TET3: variants seen among roughly 807,000 people sequenced by gnomAD.
TET3 encodes tet methylcytosine dioxygenase 3.
Under a neutral mutation model 141.4 loss-of-function variants are expected in TET3, and 19 were observed. The observed-to-expected ratio is 0.13, with a 90% CI of 0.09 to 0.20. The LOEUF (loss-of-function observed/expected upper bound fraction) is 0.20, where lower values mean the gene tolerates loss of function less well. Ranked by LOEUF, TET3 falls within the 10% of genes least tolerant of loss-of-function variation. The pLI is 1.00. For missense variants in TET3, 1,874 were observed against 2,356.9 expected (o/e 0.80, Z 4.24); for synonymous variants, 1,043 against 980.9 (o/e 1.06, Z -1.18).
At chr2:74,056,200 TC>T (rs752376565) in intron 4 of TET3, among the ~76,000 whole-genome samples, 3 of 152,202 alleles carry the variant, frequency 2.0e-5, no homozygotes, top group Non-Finnish European at 4.4e-5. Context: ...GGCCATTGGT[TC>T]CCCACTGGAA....
intron 4 of TET3, among the ~76,000 whole-genome samples, chr2:74,061,186 G>C (rs1163999198): frequency 2.1e-5 from 3 of 145,656 alleles, no homozygotes; most frequent in Non-Finnish European, 4.6e-5. Context: ...GGCCGGCCGG[G>C]CGGGGGGCTG....
chr2:74,120,454 G>A, the TET3 span, among the ~76,000 whole-genome samples: 4 of 152,250 alleles, frequency 2.6e-5, no homozygotes, highest in Non-Finnish European at 5.9e-5. Context: ...TACCCGGGGG[G>A]AACGTGTGCC....
chr2:74,081,421 A>G (rs561000056), intron 6 of TET3, among the ~76,000 whole-genome samples: 1 of 152,324 alleles, frequency 6.6e-6, no homozygotes, highest in South Asian at 2.1e-4. Context: ...CTAGAGACAT[A>G]TGAAATAAAG....
intron 3 of TET3, among the ~76,000 whole-genome samples, chr2:74,031,964 C>G (rs1686719697): frequency 6.6e-6 from 1 of 152,204 alleles, no homozygotes; most frequent in East Asian, 1.9e-4. Context: ...TTGCCACTCA[C>G]CAATTCTGAG....
At chr2:74,038,229 T>A (rs1279073415) in intron 3 of TET3, among the ~76,000 whole-genome samples, 2 of 152,180 alleles carry the variant, frequency 1.3e-5, no homozygotes, top group African/African-American at 4.8e-5. Flanking sequence ...TATGCACATA[T>A]GAACTCTTCA....
At position 74,100,814 on chromosome 2, in the gene TET3, C is replaced by T; in HGVS notation, c.4026C>T (p.Ser1342=). The T allele has an allele frequency of 6.2e-7, 1 of 1,612,666 alleles. No homozygotes were observed. The highest frequency in any genetic ancestry group is 2.2e-5 in the East Asian group (1 of 44,818). Residue 1342 remains serine (S), a synonymous_variant, in exon 12 of 12, where the codon AGC becomes AGT. Transcript: ENST00000409262. ...YGGAEFAELP[S]QAVPTDAHHP... ...GTGCTGAGTTTGCCGAGCTGCCCAGCCAGGCTGTTCCCACAGACGCCCACC... is the reference window on the plus strand; with the variant it reads ...GTGCTGAGTTTGCCGAGCTGCCCAGTCAGGCTGTTCCCACAGACGCCCACC...
chr2:74,105,298 A>G lies in TET3; in HGVS notation c.*3122A>G, dbSNP rs1691433729. 1 of 398,514 alleles carries G rather than the reference A, an allele frequency of 2.5e-6. No homozygotes were observed. Among genetic ancestry groups the G allele is most frequent in the Admixed American group, 4.4e-5 (1 of 22,718 alleles). The allele number at this position is 398,514 out of a possible 1,614,324, so 24.7% of individuals were successfully genotyped here. A position where few individuals can be genotyped will look rare whatever the true frequency, so the allele number is the denominator to read the frequency against. The stretch of plus-strand genomic sequence containing the variant: ...GACACCATCCACGTGCAGTGCAAAC[A>G]TTTGGTTCCTTTTCTGCTCTGTTTT... On this transcript the variant is annotated 3_prime_UTR_variant, in exon 12 of 12. Coordinates refer to ENST00000409262, the MANE Select transcript of TET3 (RefSeq NM_001287491.2).
At chr2:74,035,619 C>T (rs894166615) in intron 3 of TET3, among the ~76,000 whole-genome samples, 2 of 151,846 alleles carry the variant, frequency 1.3e-5, no homozygotes, top group African/African-American at 2.4e-5. Flanking sequence ...CCCAGCTACT[C>T]GGGAGGCTGA....
intron 6 of TET3, among the ~76,000 whole-genome samples, chr2:74,081,509 CG>C (rs1210651690): frequency 1.3e-5 from 2 of 152,184 alleles, no homozygotes; most frequent in African/African-American, 4.8e-5. Flanking sequence ...CTAGGTTTCC[CG>C]AGGTGAGCGT....
chr2:74,095,053 G>A (rs1690731903), intron 10 of TET3, among the ~76,000 whole-genome samples: 1 of 152,160 alleles, frequency 6.6e-6, no homozygotes, highest in Admixed American at 6.5e-5. Context: ...GGATGATGCT[G>A]GCTGTCTGCT....
At chr2:74,004,757 A>G (rs555235770) in intron 3 of TET3, among the ~76,000 whole-genome samples, 6 of 152,216 alleles carry the variant, frequency 3.9e-5, no homozygotes, top group African/African-American at 1.4e-4. Context: ...GGCTCTCACT[A>G]CACACTCTTT....
Position 74,016,592 on chromosome 2 carries a change from C to T in TET3, c.360+13426C>T, listed in dbSNP as rs142763381. Among the ~76,000 whole-genome samples, 159 of 152,072 alleles carry T rather than the reference C, an allele frequency of 1.0e-3. 2 individuals carry two copies. The highest frequency in any genetic ancestry group is 4.1e-3 in the Admixed American group (62 of 15,276). ...CAAAAATTAGCCAGGCGTGGTGGTG[C>T]ATGCCTGTAGTTCCAGCTATTTGGG... On this transcript the variant is annotated intron_variant, in intron 3 of 11. Coordinates refer to ENST00000409262, the MANE Select transcript of TET3 (RefSeq NM_001287491.2).
chr2:74,037,109 A>G (rs903181591), intron 3 of TET3, among the ~76,000 whole-genome samples: 4 of 152,194 alleles, frequency 2.6e-5, no homozygotes, highest in Non-Finnish European at 5.9e-5. Context: ...CAGTTTGGGT[A>G]TGGAGGGTGC....
At chr2:74,133,062 T>A in the TET3 span, among the ~76,000 whole-genome samples, 3 of 146,056 alleles carry the variant, frequency 2.1e-5, no homozygotes, top group African/African-American at 2.6e-5. Flanking sequence ...TATGCCTGGC[T>A]AATTTTTGTA....
At chr2:74,022,093 A>AC (rs200942616) in intron 3 of TET3, among the ~76,000 whole-genome samples, 48 of 55,208 alleles carry the variant, frequency 8.7e-4, no homozygotes, top group African/African-American at 3.3e-3. Context: ...TTTCTAGGAC[A>AC]CTTTTTTTTT....
chr2:74,101,422 C>T lies in TET3; in HGVS notation c.4634C>T (p.Ala1545Val), dbSNP rs1691207339. Residue 1545 changes from alanine (A) to valine (V), a missense_variant, in exon 12 of 12, where the codon GCC becomes GTC. Physicochemically the swap from Ala to Val is moderately conservative, Grantham distance 64. Around this residue, in one of 10 missense-constraint regions of TET3, gnomAD observed 602 missense variants for 590.2 expected, o/e 1.02. Transcript: ENST00000409262. This position sits in a 1 kb window ranked among gnomAD's most constrained non-coding sequence, Gnocchi z 8.5. Reference sequence around the variant, plus strand: ...CTGGGGGCAGGGGATTTCAACTCGGCCCTGAAAGGTAGTCCTGGGTTCCAA... The same window carrying T: ...CTGGGGGCAGGGGATTTCAACTCGGTCCTGAAAGGTAGTCCTGGGTTCCAA... ...WALGAGDFNSALKGSPGFQDK... is the reference protein window; with the variant it reads ...WALGAGDFNSVLKGSPGFQDK... The T allele has an allele frequency of 6.2e-7, 1 of 1,613,910 alleles. No individual in the cohort carries two copies. The highest frequency in any genetic ancestry group is 8.5e-7 in the Non-Finnish European group (1 of 1,179,876).
intron 2 of TET3, among the ~76,000 whole-genome samples, chr2:73,990,676 A>G (rs1573626912): frequency 6.6e-6 from 1 of 152,216 alleles, no homozygotes; most frequent in Non-Finnish European, 1.5e-5. Flanking sequence ...TGTGATGAGA[A>G]TACTTTCTAG....
chr2:74,000,773 C>T (rs548318695), intron 2 of TET3, among the ~76,000 whole-genome samples: 17 of 152,296 alleles, frequency 1.1e-4, no homozygotes, highest in East Asian at 3.9e-4. Context: ...AGTAAGTTAA[C>T]ATCGCGAAGT....
chr2:74,061,187 CGGGG>C (rs972219324), intron 4 of TET3, among the ~76,000 whole-genome samples: 1 of 143,544 alleles, frequency 7.0e-6, no homozygotes, highest in Non-Finnish European at 1.5e-5. Flanking sequence ...GCCGGCCGGG[CGGGG>C]GGCTGACCCC....
Sources: gnomAD v4.1 joint callset for allele counts (sites outside exome capture counted in the v4.1 genomes callset) on GRCh38, gnomAD v4.1.1 for gene constraint, gnomAD v4.1.1 regional missense constraint, Gnocchi (gnomAD v3.1) non-coding constraint, MANE v1.5 for transcripts, NCBI Gene and HGNC (gene_info 2026-07-23, HGNC 2026-07-21) for gene names.